Variants in THSD7B observed in about 807,000 individuals in gnomAD.
THSD7B encodes the protein thrombospondin type 1 domain containing 7B.
In THSD7B, 138 loss-of-function variants were observed where a neutral mutation model predicts 213.6. That is an observed-to-expected ratio of 0.65 (90% CI 0.56 to 0.74). THSD7B has a LOEUF of 0.74. THSD7B is among the 30% of genes least tolerant of loss of function. The pLI, the probability that THSD7B is intolerant of heterozygous loss-of-function variation, is 0.00. For missense variants in THSD7B, 1,931 were observed against 1,991.5 expected, an observed-to-expected ratio of 0.97 and a Z score of 0.58; for synonymous variants, 742 against 687.0, an observed-to-expected ratio of 1.08 and a Z score of -1.25.
At chr2:137,067,711 T>C (rs1352737366) in intron 3 of THSD7B, among the ~76,000 whole-genome samples, 1 of 152,050 alleles carries the variant, frequency 6.6e-6, no homozygotes, top group Non-Finnish European at 1.5e-5. Flanking sequence ...GTATATGCCT[T>C]CTTTTATATC....
chr2:137,043,709 C>T (rs72848277), intron 2 of THSD7B, among the ~76,000 whole-genome samples: 1 of 152,238 alleles, frequency 6.6e-6, no homozygotes, highest in Non-Finnish European at 1.5e-5. Context: ...ACTGTGTTGA[C>T]GTTTTGCTCT....
chr2:137,443,398 T>C (rs1687461821), intron 14 of THSD7B, among the ~76,000 whole-genome samples: 1 of 152,146 alleles, frequency 6.6e-6, no homozygotes, highest in Non-Finnish European at 1.5e-5. Context: ...TCTTAGAAAA[T>C]TAAAACCATA....
At chr2:136,837,820 C>A (rs948661822) in intron 1 of THSD7B, among the ~76,000 whole-genome samples, 1 of 152,138 alleles carries the variant, frequency 6.6e-6, no homozygotes, top group Non-Finnish European at 1.5e-5. Context: ...TTTATATATC[C>A]TCCTACCTTG....
chr2:136,806,922 T>C (rs1682292533), intron 1 of THSD7B, among the ~76,000 whole-genome samples: 3 of 152,200 alleles, frequency 2.0e-5, no homozygotes, highest in African/African-American at 7.2e-5. Flanking sequence ...AGGGATTTTG[T>C]AGAATGCTCT....
chr2:136,786,104 G>A (rs1430684732), intron 1 of THSD7B, among the ~76,000 whole-genome samples: 1 of 152,110 alleles, frequency 6.6e-6, no homozygotes, highest in African/African-American at 2.4e-5. Flanking sequence ...ACAGTCTTGT[G>A]TTATTACAGA....
At chr2:137,144,414 A>G (rs1464677401) in intron 5 of THSD7B, among the ~76,000 whole-genome samples, 1 of 152,082 alleles carries the variant, frequency 6.6e-6, no homozygotes, top group Admixed American at 6.6e-5. Context: ...TTCAACATTT[A>G]TTGAGTGCTG....
At chr2:136,875,178 T>C (rs565986228) in intron 1 of THSD7B, among the ~76,000 whole-genome samples, 90 of 152,276 alleles carry the variant, frequency 5.9e-4, no homozygotes, top group African/African-American at 2.2e-3. Context: ...TCCCAGCACA[T>C]TGGGAGGCCA....
At chr2:136,894,524 T>C (rs1405464342) in intron 2 of THSD7B, among the ~76,000 whole-genome samples, 7 of 152,208 alleles carry the variant, frequency 4.6e-5, no homozygotes, top group Non-Finnish European at 2.9e-5. Flanking sequence ...AAGCATGATA[T>C]AAAACCTAGT....
chr2:137,439,745 T>G (rs777941666), intron 14 of THSD7B, among the ~76,000 whole-genome samples: 1 of 152,168 alleles, frequency 6.6e-6, no homozygotes, highest in Admixed American at 6.6e-5. Flanking sequence ...ATTAGCTCCG[T>G]GAAAGGTACA....
chr2:137,462,518 G>A (rs763965796), intron 15 of THSD7B, among the ~76,000 whole-genome samples: 1 of 151,850 alleles, frequency 6.6e-6, no homozygotes, highest in Non-Finnish European at 1.5e-5. Context: ...AATTCATGAC[G>A]AACAACTTTT....
At chr2:137,343,727 GTTTA>G (rs779156618) in intron 12 of THSD7B, among the ~76,000 whole-genome samples, 6 of 151,744 alleles carry the variant, frequency 4.0e-5, no homozygotes, top group Non-Finnish European at 7.4e-5. Flanking sequence ...TAAAAGACAT[GTTTA>G]TTTGTTTTAG....
intron 3 of THSD7B, among the ~76,000 whole-genome samples, chr2:137,074,110 A>G (rs147619360): frequency 0.064 from 9,225 of 143,434 alleles, 453 homozygotes; most frequent in African/African-American, 0.13. Context: ...TCCGCTTGGT[A>G]CAGAGCTGAG....
intron 12 of THSD7B, among the ~76,000 whole-genome samples, chr2:137,333,142 T>C (rs1489121559): frequency 6.6e-6 from 1 of 152,110 alleles, no homozygotes; most frequent in East Asian, 1.9e-4. Context: ...GAGAGGTAGA[T>C]TGATGGATGC....
intron 5 of THSD7B, among the ~76,000 whole-genome samples, chr2:137,135,498 T>A (rs923171325): frequency 6.6e-6 from 1 of 152,196 alleles, no homozygotes; most frequent in Non-Finnish European, 1.5e-5. Context: ...AAATTGATTA[T>A]CAGAATTCTT....
intron 20 of THSD7B, among the ~76,000 whole-genome samples, chr2:137,622,132 G>A (rs1022993147): frequency 2.6e-5 from 4 of 152,070 alleles, no homozygotes; most frequent in African/African-American, 9.7e-5. Flanking sequence ...CATCACAAAG[G>A]GGATCAAATT....
chr2:136,922,421 A>T (rs1237223112), intron 2 of THSD7B, among the ~76,000 whole-genome samples: 1 of 152,184 alleles, frequency 6.6e-6, no homozygotes, highest in Non-Finnish European at 1.5e-5. Context: ...AGAGAAAAGG[A>T]GGTGTGTTTC....
chr2:137,368,207 G>A (rs1269831593), intron 12 of THSD7B, among the ~76,000 whole-genome samples: 2 of 151,868 alleles, frequency 1.3e-5, no homozygotes, highest in Non-Finnish European at 2.9e-5. Context: ...AAAGAGGGAT[G>A]GACTTTGGGT....
At chr2:137,227,303 A>G (rs1251338532) in intron 7 of THSD7B, among the ~76,000 whole-genome samples, 1 of 152,328 alleles carries the variant, frequency 6.6e-6, no homozygotes, top group African/African-American at 2.4e-5. Flanking sequence ...AAATAAGTCT[A>G]TTCCACAAGG....
chr2:136,794,042 T>C (rs1375553551), intron 1 of THSD7B, among the ~76,000 whole-genome samples: 1 of 151,800 alleles, frequency 6.6e-6, no homozygotes, highest in African/African-American at 2.4e-5. Flanking sequence ...CATAATATTC[T>C]CTCATTATCT....
Sources: gnomAD v4.1 joint callset for allele counts (sites outside exome capture counted in the v4.1 genomes callset) on GRCh38, gnomAD v4.1.1 for gene constraint, MANE v1.5 for transcripts, NCBI Gene and HGNC (gene_info 2026-07-23, HGNC 2026-07-21) for gene names.